Variants in FAM107B observed in about 807,000 individuals in gnomAD.
FAM107B encodes the protein family with sequence similarity 107 member B.
Under a neutral mutation model 31.5 loss-of-function variants are expected in FAM107B, and 21 were observed. That is an observed-to-expected ratio of 0.67 (90% CI 0.47 to 0.96). The LOEUF (loss-of-function observed/expected upper bound fraction) is 0.96. Ranked by LOEUF, FAM107B falls within the 40% of genes least tolerant of loss-of-function variation. The probability of loss-of-function intolerance (pLI) is 0.00; values close to 1 mark genes in which losing one functional copy is unlikely to be tolerated. For missense variants in FAM107B, 452 were observed against 377.1 expected, an observed-to-expected ratio of 1.20 and a Z score of -1.64; for synonymous variants, 157 against 141.5, an observed-to-expected ratio of 1.11 and a Z score of -0.78.
intron 1 of FAM107B, among the ~76,000 whole-genome samples, chr10:14,725,901 C>T (rs1164385511): frequency 1.4e-5 from 2 of 147,466 alleles, no homozygotes; most frequent in Non-Finnish European, 3.0e-5. Flanking sequence ...TCTCGGCTCA[C>T]TGCAACCTTC....
chr10:14,628,430 TTTCC>T (rs1459520535), intron 2 of FAM107B, among the ~76,000 whole-genome samples: 1 of 152,180 alleles, frequency 6.6e-6, no homozygotes, highest in African/African-American at 2.4e-5. Flanking sequence ...TAGCTCTATC[TTTCC>T]TACCCAGATG....
intron 2 of FAM107B, among the ~76,000 whole-genome samples, chr10:14,643,949 C>A (rs1853692738): frequency 6.6e-6 from 1 of 152,082 alleles, no homozygotes; most frequent in South Asian, 2.1e-4. Flanking sequence ...TCACTTTGGG[C>A]AAAGACATAA....
At chr10:14,620,247 G>A (rs555230970) in intron 2 of FAM107B, among the ~76,000 whole-genome samples, 6 of 152,042 alleles carry the variant, frequency 3.9e-5, no homozygotes, top group South Asian at 4.2e-4. Flanking sequence ...TCGATGTCTC[G>A]ACCTCGTGAT....
chr10:14,558,323 A>G (rs1320942318), intron 2 of FAM107B, among the ~76,000 whole-genome samples: 1 of 152,114 alleles, frequency 6.6e-6, no homozygotes, highest in African/African-American at 2.4e-5. Flanking sequence ...ACTCTTTCAA[A>G]AGCTCCAATT....
intron 2 of FAM107B, among the ~76,000 whole-genome samples, chr10:14,619,480 C>T (rs1852942001): frequency 6.6e-6 from 1 of 152,058 alleles, no homozygotes; most frequent in Non-Finnish European, 1.5e-5. Flanking sequence ...ATATATCTTC[C>T]TTAGCGAAGC....
chr10:14,763,145 C>T lies in FAM107B; in HGVS notation c.411+11108G>A, dbSNP rs560558750. Reference sequence around the variant, plus strand: ...GGTGTGGTGGCAGGCACCTGTAATCCCAGCTACTCGGGAGGCTGAGGCAGG... The same window carrying T: ...GGTGTGGTGGCAGGCACCTGTAATCTCAGCTACTCGGGAGGCTGAGGCAGG... On this transcript the variant is annotated intron_variant, in intron 1 of 4. Coordinates refer to ENST00000181796, the MANE Select transcript of FAM107B (RefSeq NM_031453.4). Among the ~76,000 whole-genome samples the T allele has an allele frequency of 4.0e-5, 6 of 151,468 alleles. No individual in the cohort carries two copies. In the East Asian group the frequency reaches 1.2e-3, roughly 30 times the overall value.
At chr10:14,656,665 G>A (rs1204812190) in intron 2 of FAM107B, among the ~76,000 whole-genome samples, 1 of 152,216 alleles carries the variant, frequency 6.6e-6, no homozygotes, top group East Asian at 1.9e-4. Context: ...GGATGTTAAT[G>A]TCACCTTCAG....
At chr10:14,533,649 G>C (rs915186448) in intron 2 of FAM107B, among the ~76,000 whole-genome samples, 3 of 152,176 alleles carry the variant, frequency 2.0e-5, no homozygotes, top group African/African-American at 7.2e-5. Flanking sequence ...CTCAACTAGA[G>C]ACAGCATAAG....
chr10:14,770,622 C>T (rs1489876585), intron 1 of FAM107B, among the ~76,000 whole-genome samples: 1 of 152,116 alleles, frequency 6.6e-6, no homozygotes, highest in Non-Finnish European at 1.5e-5. Context: ...AACTACAAGA[C>T]CACTAAGAAG....
intron 2 of FAM107B, among the ~76,000 whole-genome samples, chr10:14,538,258 T>C (rs1396698395): frequency 6.6e-6 from 1 of 152,226 alleles, no homozygotes; most frequent in Admixed American, 6.5e-5. Context: ...AAATGATTTT[T>C]ATAAGAATGT....
chr10:14,587,551 A>G (rs1257287767), intron 2 of FAM107B, among the ~76,000 whole-genome samples: 1 of 152,192 alleles, frequency 6.6e-6, no homozygotes, highest in African/African-American at 2.4e-5. Context: ...ATTAGTATGA[A>G]TAAGAATTTG....
At chr10:14,583,713 G>A (rs1851731675) in intron 2 of FAM107B, among the ~76,000 whole-genome samples, 1 of 141,374 alleles carries the variant, frequency 7.1e-6, no homozygotes, top group Admixed American at 6.8e-5. Context: ...TATGAAGGAG[G>A]GGGAAAAGTT....
chr10:14,681,606 AG>A (rs1854837648), intron 1 of FAM107B, among the ~76,000 whole-genome samples: 1 of 152,124 alleles, frequency 6.6e-6, no homozygotes, highest in African/African-American at 2.4e-5. Context: ...CAGAGGAATG[AG>A]GGGGACTGTA....
At chr10:14,662,447 G>A (rs1202936949) in intron 2 of FAM107B, among the ~76,000 whole-genome samples, 1 of 150,606 alleles carries the variant, frequency 6.6e-6, no homozygotes, top group Non-Finnish European at 1.5e-5. Flanking sequence ...CACAATCATG[G>A]CTCATTGCAG....
At chr10:14,767,055 T>TATATATATATATAGAGAG (rs1440609298) in intron 1 of FAM107B, among the ~76,000 whole-genome samples, 7 of 18,280 alleles carry the variant, frequency 3.8e-4, no homozygotes, top group Admixed American at 1.8e-3. Context: ...TATATATATA[T>TATATATATATATAGAGAG]AGAGAGAGAG....
chr10:14,695,673 T>C (rs912639737), intron 1 of FAM107B, among the ~76,000 whole-genome samples: 1 of 152,224 alleles, frequency 6.6e-6, no homozygotes, highest in Non-Finnish European at 1.5e-5. Flanking sequence ...ACTAATGTTT[T>C]ATAGTTTTCA....
intron 3 of FAM107B, among the ~76,000 whole-genome samples, chr10:14,528,878 C>G (rs1231739158): frequency 6.6e-6 from 1 of 152,198 alleles, no homozygotes; most frequent in Non-Finnish European, 1.5e-5. Context: ...ACTTATTCTG[C>G]AAATGTTGGT....
intron 1 of FAM107B, among the ~76,000 whole-genome samples, chr10:14,707,085 C>G (rs935869521): frequency 2.5e-4 from 38 of 152,084 alleles, no homozygotes; most frequent in Middle Eastern, 3.4e-3. Context: ...GAGATCGTGC[C>G]ACTGTACTCC....
chr10:14,528,424 C>T (rs1279864757), intron 3 of FAM107B, among the ~76,000 whole-genome samples: 1 of 152,138 alleles, frequency 6.6e-6, no homozygotes, highest in African/African-American at 2.4e-5. Context: ...TCAGTGGATC[C>T]ACCTGCCTTG....
Sources: gnomAD v4.1 joint callset for allele counts (sites outside exome capture counted in the v4.1 genomes callset) on GRCh38, gnomAD v4.1.1 for gene constraint, MANE v1.5 for transcripts, NCBI Gene and HGNC (gene_info 2026-07-23, HGNC 2026-07-21) for gene names.